PINX1: variants seen among roughly 807,000 people sequenced by gnomAD.
PINX1 encodes PIN2/TERF1-interacting telomerase inhibitor 1.
PINX1 carries 34 observed loss-of-function variants against 25.4 expected under a neutral mutation model. That is an observed-to-expected ratio of 1.34 (90% CI 1.02 to 1.78). PINX1 has a LOEUF of 1.78. Among genes scored for constraint, PINX1 ranks in the 40% most tolerant of loss-of-function variants. PINX1 has a pLI of 0.00. For missense variants in PINX1, 592 were observed against 404.9 expected (o/e 1.46, Z -3.97); for synonymous variants, 197 against 147.7 (o/e 1.33, Z -2.42).
intron 6 of PINX1, among the ~76,000 whole-genome samples, chr8:10,798,886 C>G (rs921111711): frequency 6.6e-6 from 1 of 152,128 alleles, no homozygotes; most frequent in African/African-American, 2.4e-5. Context: ...GAACTGGAGG[C>G]GGTGAATCAA....
chr8:10,833,862 T>C (rs1488164119), intron 2 of PINX1: 1 of 155,358 alleles, frequency 6.4e-6, no homozygotes, highest in Admixed American at 6.5e-5. Flanking sequence ...GTGCCATGTA[T>C]GAAAAATGGG....
chr8:10,816,851 G>A (rs1165674465), intron 6 of PINX1, among the ~76,000 whole-genome samples: 6 of 152,070 alleles, frequency 3.9e-5, no homozygotes, highest in East Asian at 1.9e-4. Context: ...AAAAGCCCAC[G>A]TGTGCCATTT....
At chr8:10,796,947 T>C (rs1346289482) in intron 6 of PINX1, among the ~76,000 whole-genome samples, 1 of 151,960 alleles carries the variant, frequency 6.6e-6, no homozygotes, top group African/African-American at 2.4e-5. Flanking sequence ...CCAGCAACAC[T>C]GATGGTTCCA....
chr8:10,808,618 C>T (rs1238542827), intron 6 of PINX1, among the ~76,000 whole-genome samples: 1 of 152,128 alleles, frequency 6.6e-6, no homozygotes, highest in Non-Finnish European at 1.5e-5. Context: ...ATAGCGTGTC[C>T]AGTAGCGCAG....
At chr8:10,784,000 G>C (rs1372587433) in intron 6 of PINX1, among the ~76,000 whole-genome samples, 2 of 152,192 alleles carry the variant, frequency 1.3e-5, no homozygotes, top group African/African-American at 4.8e-5. Context: ...CACAGTATGA[G>C]CCTAACAGTG....
At chr8:10,781,140 G>C (rs1801572972) in intron 6 of PINX1, among the ~76,000 whole-genome samples, 2 of 152,146 alleles carry the variant, frequency 1.3e-5, no homozygotes, top group Non-Finnish European at 2.9e-5. Flanking sequence ...GGAAAAACTG[G>C]GTTTCTCATG....
intron 6 of PINX1, among the ~76,000 whole-genome samples, chr8:10,809,165 T>G (rs990796605): frequency 3.9e-5 from 6 of 152,206 alleles, no homozygotes; most frequent in Non-Finnish European, 5.9e-5. Flanking sequence ...TTTAGCCCTG[T>G]GGAGTGACCA....
At position 10,765,659 on chromosome 8, in the gene PINX1, GGCCCTCTC is replaced by G; in HGVS notation, c.721_728del (p.Glu241ArgfsTer42). ...TCTTGGCCACTCGCTCCTGGGCCTC[GGCCCTCTC>G]GGGCTTTCCCTCCGTGTGCCTCTTG... On this transcript the variant is annotated frameshift_variant, in exon 7 of 7. Transcript: ENST00000314787. LOFTEE classifies it low-confidence loss of function (END_TRUNC). 1 of 1,613,978 alleles carries G rather than the reference GGCCCTCTC, an allele frequency of 6.2e-7. No individual in the cohort carries two copies. The highest frequency in any genetic ancestry group is 8.5e-7 in the Non-Finnish European group (1 of 1,179,882).
Position 10,833,984 on chromosome 8 carries a change from C to A in PINX1, c.129+682G>T, listed in dbSNP as rs186812946. 8.7e-4 allele frequency among the ~76,000 whole-genome samples: 132 copies of A among 152,260 alleles called. 3 individuals carry two copies. Among genetic ancestry groups the A allele is most frequent in the East Asian group, 5.8e-4 (3 of 5,186 alleles). Reference sequence around the variant, plus strand: ...CAAGTAGGCTATTGAATTTACAAATCTAGAGCTCAGAGGACAGAACTGGAC... The same window carrying A: ...CAAGTAGGCTATTGAATTTACAAATATAGAGCTCAGAGGACAGAACTGGAC... On this transcript the variant is annotated intron_variant, in intron 2 of 6. Transcript: ENST00000314787.
chr8:10,805,443 T>C (rs12544044), intron 6 of PINX1, among the ~76,000 whole-genome samples: 36,378 of 138,494 alleles, frequency 0.26, 5,507 homozygotes, highest in East Asian at 0.45. Flanking sequence ...GAAGAAGCCA[T>C]ACTAGTGCTG....
At chr8:10,798,657 A>C (rs141724954) in intron 6 of PINX1, among the ~76,000 whole-genome samples, 192 of 152,364 alleles carry the variant, frequency 1.3e-3, no homozygotes, top group African/African-American at 4.5e-3. Context: ...AACTCTTTCC[A>C]TCTCCTCCTC....
chr8:10,822,387 C>T (rs2409651), intron 5 of PINX1, among the ~76,000 whole-genome samples: 34,527 of 152,096 alleles, frequency 0.23, 4,069 homozygotes, highest in East Asian at 0.31. Flanking sequence ...TTAGAGAAAA[C>T]GACAATGAAG....
chr8:10,793,831 G>A (rs970552631), intron 6 of PINX1, among the ~76,000 whole-genome samples: 19 of 152,136 alleles, frequency 1.2e-4, no homozygotes, highest in African/African-American at 4.6e-4. Flanking sequence ...ATGACAACAT[G>A]AGTCACTGAG....
intron 6 of PINX1, among the ~76,000 whole-genome samples, chr8:10,778,914 G>A (rs1051274339): frequency 6.6e-6 from 1 of 152,190 alleles, no homozygotes; most frequent in East Asian, 1.9e-4. Context: ...AGCATAGCAG[G>A]GAAGTGAAAA....
At chr8:10,775,922 T>A (rs1346123209) in intron 6 of PINX1, among the ~76,000 whole-genome samples, 1 of 150,944 alleles carries the variant, frequency 6.6e-6, no homozygotes, top group East Asian at 1.9e-4. Context: ...AAGCTTTGGC[T>A]GCAGCGGGGT....
chr8:10,795,828 A>G (rs185189103), intron 6 of PINX1, among the ~76,000 whole-genome samples: 12 of 152,284 alleles, frequency 7.9e-5, no homozygotes, highest in African/African-American at 2.4e-4. Context: ...GTATTATGAC[A>G]GTTAGCAAAA....
intron 2 of PINX1, chr8:10,834,319 G>T (rs76863374): frequency 0.017 from 3,368 of 202,628 alleles, 136 homozygotes; most frequent in African/African-American, 0.073. Context: ...GCGGCCCACT[G>T]ATTTGGCACT....
At chr8:10,829,184 G>A (rs1396221233) in intron 4 of PINX1, among the ~76,000 whole-genome samples, 2 of 151,366 alleles carry the variant, frequency 1.3e-5, no homozygotes, top group African/African-American at 4.9e-5. Context: ...TACTCAGGAG[G>A]CTGAGGCAGG....
chr8:10,809,793 T>C (rs1016942572), intron 6 of PINX1, among the ~76,000 whole-genome samples: 8 of 152,246 alleles, frequency 5.3e-5, no homozygotes, highest in African/African-American at 1.9e-4. Context: ...ATCATCACCA[T>C]CCTCGTTCAT....
Sources: gnomAD v4.1 joint callset for allele counts (sites outside exome capture counted in the v4.1 genomes callset) on GRCh38, gnomAD v4.1.1 for gene constraint, MANE v1.5 for transcripts, NCBI Gene and HGNC (gene_info 2026-07-23, HGNC 2026-07-21) for gene names.